The following DLG1 variants were observed in gnomAD, a reference collection of about 807,000 sequenced individuals.
The protein encoded by DLG1 is disks large homolog 1.
Under a neutral mutation model 123.4 loss-of-function variants are expected in DLG1, and 42 were observed. The ratio of observed to expected loss-of-function variants is 0.34; its 90% confidence interval spans 0.27 to 0.44. The LOEUF is 0.44. DLG1 is among the 20% of genes least tolerant of loss of function. The pLI is 1.00. For missense variants in DLG1, 942 were observed against 1,082.6 expected (o/e 0.87, Z 1.82); for synonymous variants, 317 against 356.2 (o/e 0.89, Z 1.24).
chr3:197,232,521 A>C (rs1024260437), intron 4 of DLG1, among the ~76,000 whole-genome samples: 3 of 152,140 alleles, frequency 2.0e-5, no homozygotes, highest in African/African-American at 7.2e-5. Flanking sequence ...AAATAAATTC[A>C]TGGAGGAAAC....
At chr3:197,275,224 C>T (rs1765849692) in intron 4 of DLG1, among the ~76,000 whole-genome samples, 1 of 151,774 alleles carries the variant, frequency 6.6e-6, no homozygotes, top group Non-Finnish European at 1.5e-5. Context: ...TCTTACCCCA[C>T]TTAATATGGC....
intron 17 of DLG1, among the ~76,000 whole-genome samples, chr3:197,077,919 C>T (rs767645172): frequency 3.9e-5 from 6 of 151,924 alleles, no homozygotes; most frequent in Non-Finnish European, 7.4e-5. Flanking sequence ...TGAGTTTATA[C>T]ACATCTTAAG....
intron 14 of DLG1, among the ~76,000 whole-genome samples, chr3:197,099,399 GTCATTTACAC>G (rs780984824): frequency 3.3e-5 from 5 of 151,904 alleles, no homozygotes; most frequent in Admixed American, 6.6e-5. Flanking sequence ...TTTCAGTTAA[GTCATTTACAC>G]TCCTCTCCTA....
At position 197,065,355 on chromosome 3, in the gene DLG1, T is replaced by A; in HGVS notation, c.2294A>T (p.His765Leu). 1 of 1,613,578 alleles carries A rather than the reference T, an allele frequency of 6.2e-7. No individual in the cohort carries two copies. The highest frequency in any genetic ancestry group is 8.5e-7 in the Non-Finnish European group (1 of 1,179,818). The change falls in exon 22 of 25, where the codon CAT (histidine) becomes CTT (leucine). Residue 765 changes from histidine to leucine, a missense_variant. His to Leu is a moderately conservative substitution (Grantham distance 99, BLOSUM62 -3). Coordinates refer to ENST00000667157, the MANE Select transcript of DLG1 (RefSeq NM_001366207.1). ...ATACTGGCCAGCTTCAATGAATTTATGTTCCTGGATATCTTTTTCCATCTG... is the reference window on the plus strand; with the variant it reads ...ATACTGGCCAGCTTCAATGAATTTAAGTTCCTGGATATCTTTTTCCATCTG... ...REQMEKDIQE[H>L]KFIEAGQYNN...
chr3:197,152,419 CT>C (rs768327685), intron 5 of DLG1, among the ~76,000 whole-genome samples: 3,272 of 94,520 alleles, frequency 0.035, 22 homozygotes, highest in South Asian at 0.049. Flanking sequence ...ATCCCAAAGT[CT>C]TTTTTTTTTT....
chr3:197,153,611 C>T (rs1461431923), intron 5 of DLG1, among the ~76,000 whole-genome samples: 1 of 152,232 alleles, frequency 6.6e-6, no homozygotes, highest in Non-Finnish European at 1.5e-5. Context: ...CCCAACCTCC[C>T]AGGCTGAACT....
chr3:197,143,449 G>A (rs989863371), intron 6 of DLG1, among the ~76,000 whole-genome samples: 1 of 152,024 alleles, frequency 6.6e-6, no homozygotes, highest in African/African-American at 2.4e-5. Context: ...GTAGAGATGG[G>A]GTTTCACCGT....
intron 14 of DLG1, among the ~76,000 whole-genome samples, chr3:197,091,786 T>A (rs192899880): frequency 6.6e-6 from 1 of 152,108 alleles, no homozygotes. Context: ...CCTCTATTTA[T>A]AACAAATTGC....
chr3:197,195,757 G>A (rs1251781765), intron 4 of DLG1, among the ~76,000 whole-genome samples: 2 of 152,032 alleles, frequency 1.3e-5, no homozygotes, highest in African/African-American at 4.8e-5. Context: ...GGTGTGGGGT[G>A]GATGGCTACC....
chr3:197,191,494 C>T lies in DLG1; in HGVS notation c.483+2931G>A, dbSNP rs115585070. ...ACACACCAAAATAACTACTAAAATA[C>T]CTACCAAAAGACCAGAGTTGGCCAT... On this transcript the variant is annotated intron_variant, in intron 5 of 24. Transcript: ENST00000667157. Among the ~76,000 whole-genome samples the T allele has an allele frequency of 6.8e-3, 1,030 of 152,226 alleles. 9 individuals carry two copies. Among genetic ancestry groups the T allele is most frequent in the African/African-American group, 0.022 (915 of 41,520 alleles).
chr3:197,173,913 G>C (rs1323705652), intron 5 of DLG1, among the ~76,000 whole-genome samples: 2 of 152,088 alleles, frequency 1.3e-5, no homozygotes, highest in African/African-American at 4.8e-5. Flanking sequence ...AGACCAGCCT[G>C]GCCAACATGG....
At chr3:197,118,954 C>T (rs140903758) in intron 12 of DLG1, among the ~76,000 whole-genome samples, 13 of 152,090 alleles carry the variant, frequency 8.5e-5, no homozygotes, top group Non-Finnish European at 1.5e-4. Flanking sequence ...CAGTGATGTA[C>T]GTTCATAGCA....
chr3:197,076,463 C>T (rs915597956), intron 18 of DLG1, 123 bp downstream of exon 18: 4 of 608,838 alleles, frequency 6.6e-6, no homozygotes, highest in African/African-American at 1.9e-5. Flanking sequence ...TGTTAAGTTG[C>T]CCTTGAAGAC....
At chr3:197,140,360 G>C (rs1787355047) in intron 7 of DLG1, 96 bp from the exon 8 acceptor site, 7 of 1,258,002 alleles carry the variant, frequency 5.6e-6, no homozygotes, top group Non-Finnish European at 7.8e-6. Context: ...CTAACATAAG[G>C]AACACAACAA....
At chr3:197,065,611 T>C in intron 21 of DLG1, 97 bp downstream of exon 21, 1 of 1,032,056 alleles carries the variant, frequency 9.7e-7, no homozygotes, top group East Asian at 2.4e-5. Context: ...ATAAAATAAG[T>C]ACAAACCATT....
chr3:197,056,711 G>A (rs183514081), intron 23 of DLG1, among the ~76,000 whole-genome samples: 58 of 152,094 alleles, frequency 3.8e-4, no homozygotes, highest in East Asian at 1.9e-4. Context: ...TAGAAAAATC[G>A]TATCATACAG....
At chr3:197,198,846 T>A (rs1468415412) in intron 4 of DLG1, among the ~76,000 whole-genome samples, 1 of 152,192 alleles carries the variant, frequency 6.6e-6, no homozygotes, top group South Asian at 2.1e-4. Flanking sequence ...GTACATTCCC[T>A]CTGGAAAACA....
Position 197,277,276 on chromosome 3 carries a change from G to A in DLG1, c.318+5403C>T, listed in dbSNP as rs530053102. On this transcript the variant is annotated intron_variant, in intron 4 of 24. Coordinates refer to ENST00000667157, the MANE Select transcript of DLG1 (RefSeq NM_001366207.1). The stretch of plus-strand genomic sequence containing the variant: ...AATGTATTGTGATGTTAGGAGTAGG[G>A]TGCATCCTTTTCTACTGAAATGTCC... Among the ~76,000 whole-genome samples, 80 of 151,846 alleles carry A rather than the reference G, an allele frequency of 5.3e-4. 1 individual carries two copies. In the South Asian group the frequency reaches 0.016, roughly 30 times the overall value.
chr3:197,127,419 T>C (rs1779696453), intron 11 of DLG1, among the ~76,000 whole-genome samples: 1 of 55,724 alleles, frequency 1.8e-5, no homozygotes, highest in South Asian at 8.7e-4. Context: ...CGAGATTCTG[T>C]CTCCAAAAAA....
Sources: gnomAD v4.1 joint callset for allele counts (sites outside exome capture counted in the v4.1 genomes callset) on GRCh38, gnomAD v4.1.1 for gene constraint, MANE v1.5 for transcripts, NCBI Gene and HGNC (gene_info 2026-07-23, HGNC 2026-07-21) for gene names.